Variants in MBOAT7 observed in about 807,000 individuals in gnomAD.
MBOAT7 encodes the protein membrane bound acylglycerophosphatidylinositol O-acyltransferase MBOAT7, also known as membrane-bound acylglycerophosphatidylinositol O-acyltransferase MBOAT7.
In MBOAT7, 40 loss-of-function variants were observed where a neutral mutation model predicts 47.4. The observed-to-expected ratio is 0.84, with a 90% CI of 0.66 to 1.10. MBOAT7 has a LOEUF of 1.10. Ranked by LOEUF, MBOAT7 falls within the 50% of genes least tolerant of loss-of-function variation. The pLI, the probability that MBOAT7 is intolerant of heterozygous loss-of-function variation, is 0.00. For synonymous variants in MBOAT7, 361 were observed against 292.0 expected (o/e 1.24, Z -2.41); for missense variants, 680 against 655.6 (o/e 1.04, Z -0.41).
intron 7 of MBOAT7, among the ~76,000 whole-genome samples, chr19:54,177,290 GTGTT>G (rs1239641523): frequency 6.6e-6 from 1 of 151,476 alleles, no homozygotes; most frequent in African/African-American, 2.4e-5. Context: ...TTTGTTTTTT[GTGTT>G]TTTTTGTTTG....
In MBOAT7 at chr19:54,180,816, G is replaced by C. The variant is rs748620020; in HGVS notation, c.811C>G (p.Arg271Gly). 1 of 1,564,746 alleles carries C rather than the reference G, an allele frequency of 6.4e-7. No individual in the cohort carries two copies. Residue 271 changes from arginine (R) to glycine (G), a missense_variant, in exon 6 of 8, where the codon CGG becomes GGG. By Grantham distance (125) the Arg-to-Gly change is moderately radical. Coordinates refer to ENST00000245615, the MANE Select transcript of MBOAT7 (RefSeq NM_024298.5). The surrounding 1 kb of genome is among the most constrained non-coding windows in gnomAD (Gnocchi z 5.2). Reference sequence around the variant, plus strand: ...TGGAGGGTGGGGCCGCCTCCGGCCCGGGCTTTGGCGGCCACGGGGTAGGCC... The same window carrying C: ...TGGAGGGTGGGGCCGCCTCCGGCCCCGGCTTTGGCGGCCACGGGGTAGGCC... ...FGAYPVAAKARAGGGPTLQCP... is the reference protein window; with the variant it reads ...FGAYPVAAKAGAGGGPTLQCP...
At chr19:54,188,743 G>C (rs531297763) in intron 1 of MBOAT7, among the ~76,000 whole-genome samples, 3 of 152,004 alleles carry the variant, frequency 2.0e-5, no homozygotes, top group African/African-American at 7.2e-5. Context: ...CAGGCCTCCA[G>C]CTCTCCTGTC....
At position 54,181,045 on chromosome 19, in the gene MBOAT7, G is replaced by T. The variant is rs1267494778; in HGVS notation, c.582C>A (p.Arg194=). 6.5e-7 allele frequency: 1 copy of T among 1,547,422 alleles called. No individual in the cohort carries two copies. Among genetic ancestry groups the T allele is most frequent in the Non-Finnish European group, 8.7e-7 (1 of 1,146,180 alleles). ...AVPSLRPLLR[R]AWPAPLFGLL... is the part of the protein sequence containing the mutation. ...GGCCGAAGAGCGGGGCCGGCCAGGC[G>T]CGGCGCAGCAGGGGCCGCAGGCTGG... The change falls in exon 6 of 8, where the codon CGC becomes CGA. Residue 194 remains arginine, a synonymous_variant. Coordinates refer to ENST00000245615, the MANE Select transcript of MBOAT7 (RefSeq NM_024298.5).
At chr19:54,188,019 A>AAGACAGAAAGAC (rs2076485330) in intron 3 of MBOAT7, among the ~76,000 whole-genome samples, 198 bp downstream of exon 3, 20 of 62,414 alleles carry the variant, frequency 3.2e-4, no homozygotes, top group Middle Eastern at 7.8e-3. Context: ...CCATCTCAGA[A>AAGACAGAAAGAC]AGAAAGAAAG....
At chr19:54,176,915 A>G (rs1009960881) in intron 7 of MBOAT7, among the ~76,000 whole-genome samples, 1 of 151,922 alleles carries the variant, frequency 6.6e-6, no homozygotes, top group Admixed American at 6.6e-5. Context: ...TAAAAAAAAA[A>G]TAATAATAAT....
At chr19:54,175,878 C>T (rs1251361808) in intron 7 of MBOAT7, among the ~76,000 whole-genome samples, 5 of 152,210 alleles carry the variant, frequency 3.3e-5, no homozygotes, top group Non-Finnish European at 4.4e-5. Context: ...GTGCCCACCA[C>T]CATGCCAGGC....
At chr19:54,176,230 C>A (rs897386792) in intron 7 of MBOAT7, among the ~76,000 whole-genome samples, 3 of 152,086 alleles carry the variant, frequency 2.0e-5, no homozygotes, top group Non-Finnish European at 4.4e-5. Flanking sequence ...CTTAAGTGAT[C>A]CTCTCACCTT....
Position 54,175,818 on chromosome 19 carries a change from G to A in MBOAT7, c.1032-1387C>T, listed in dbSNP as rs1267554043. 3.9e-5 allele frequency among the ~76,000 whole-genome samples: 6 copies of A among 152,114 alleles called. No individual in the cohort carries two copies. The South Asian group carries it at 6.2e-4, about 16-fold the overall frequency. ...CGGCTCACTGCAACCTCTGCCTCCT[G>A]GGTTCAAGTGATTCTCCTGCCTCAG... On this transcript the variant is annotated intron_variant, in intron 7 of 7. Coordinates refer to ENST00000245615, the MANE Select transcript of MBOAT7 (RefSeq NM_024298.5).
At chr19:54,176,032 T>C (rs1164338722) in intron 7 of MBOAT7, among the ~76,000 whole-genome samples, 1 of 152,130 alleles carries the variant, frequency 6.6e-6, no homozygotes, top group Non-Finnish European at 1.5e-5. Context: ...CATTTTTGTA[T>C]TTTTAGTAGA....
intron 7 of MBOAT7, among the ~76,000 whole-genome samples, chr19:54,177,150 A>C (rs1323694735): frequency 5.5e-5 from 2 of 36,148 alleles, no homozygotes; most frequent in African/African-American, 2.3e-4. Context: ...ACAGAGCATC[A>C]AAATACTAAT....
Position 54,188,419 on chromosome 19 carries a change from G to A in MBOAT7, c.76+14C>T. 6.4e-7 allele frequency: 1 copy of A among 1,570,280 alleles called. No homozygotes were observed. The highest frequency in any genetic ancestry group is 8.6e-7 in the Non-Finnish European group (1 of 1,156,652). ...CCCCCCTTTATTTTCCACTGGGGAG[G>A]GAGCCTGACTCACCGGCTTTCTTAA... On this transcript the variant is annotated intron_variant, in intron 2 of 7. Coordinates refer to ENST00000245615, the MANE Select transcript of MBOAT7 (RefSeq NM_024298.5).
intron 4 of MBOAT7, among the ~76,000 whole-genome samples, chr19:54,184,161 CTTTTTTT>C (rs770373656): frequency 9.6e-6 from 1 of 103,922 alleles, no homozygotes; most frequent in Non-Finnish European, 1.9e-5. Flanking sequence ...ATCTCTCTCT[CTTTTTTT>C]TTTTTTTTTT....
At position 54,173,606 on chromosome 19, in the gene MBOAT7, A is replaced by G; in HGVS notation, c.*438T>C. 5.4e-6 allele frequency: 1 copy of G among 186,830 alleles called. No homozygotes were observed. Among genetic ancestry groups the G allele is most frequent in the Non-Finnish European group, 1.1e-5 (1 of 90,694 alleles). 11.6% of individuals were successfully genotyped at this position (186,830 alleles called of 1,614,324 possible). A position where few individuals can be genotyped will look rare whatever the true frequency, so the allele number is the denominator to read the frequency against. On this transcript the variant is annotated 3_prime_UTR_variant, in exon 8 of 8. Coordinates refer to ENST00000245615, the MANE Select transcript of MBOAT7 (RefSeq NM_024298.5). ...AAATGGGAAGCTTATGCTTCCTTCC[A>G]AGTCTGCAATATTGGTGCGATGAGC...
Position 54,178,948 on chromosome 19 carries a change from G to T in MBOAT7, c.855-7C>A. 1 of 1,612,102 alleles carries T rather than the reference G, an allele frequency of 6.2e-7. No individual in the cohort carries two copies. The highest frequency in any genetic ancestry group is 8.5e-7 in the Non-Finnish European group (1 of 1,179,406). On this transcript the variant is annotated splice_region_variant and splice_polypyrimidine_tract_variant and intron_variant, in intron 6 of 7. Coordinates refer to ENST00000245615, the MANE Select transcript of MBOAT7 (RefSeq NM_024298.5). ...GGAAGCCGCCTTCTCCGGACTGGGG[G>T]GTGGAGGATGAGGGTGGGGGACAGA... is the stretch of plus-strand genomic sequence containing the variant.
rs193069451 is a variant in MBOAT7 at position 54,185,128 on chromosome 19, C to T, written c.334-1448G>A. Among the ~76,000 whole-genome samples, 929 of 151,814 alleles carry T rather than the reference C, an allele frequency of 6.1e-3. 9 individuals carry two copies. Among genetic ancestry groups the T allele is most frequent in the African/African-American group, 0.021 (865 of 41,372 alleles). ...GAGAGGCTGAGGCAGGAGAATCGCT[C>T]GAACCCGAGAGGCAGAGGTTGCAGT... On this transcript the variant is annotated intron_variant, in intron 4 of 7. Coordinates refer to ENST00000245615, the MANE Select transcript of MBOAT7 (RefSeq NM_024298.5).
At chr19:54,187,362 C>G in intron 3 of MBOAT7, 75 bp from the exon 4 acceptor site, 1 of 1,474,074 alleles carries the variant, frequency 6.8e-7, no homozygotes, top group Non-Finnish European at 9.1e-7. Flanking sequence ...CGAGTCCAGC[C>G]ACCAATCCTC....
In MBOAT7 at chr19:54,179,071, A is replaced by AC; in HGVS notation, c.855-131_855-130insG. On this transcript the variant is annotated intron_variant, in intron 6 of 7. Transcript: ENST00000245615. ...GCCAGGCAATGGCCCTCTGGCTGTC[A>AC]GACTTGCTAGGGCAGCAAGGGAGGG... 3 of 1,319,962 alleles carry AC rather than the reference A, an allele frequency of 2.3e-6. No homozygotes were observed. The East Asian group carries it at 7.5e-5, about 33-fold the overall frequency. 81.8% of individuals were successfully genotyped at this position (1,319,962 alleles called of 1,614,324 possible). A position where few individuals can be genotyped will look rare whatever the true frequency, so the allele number is the denominator to read the frequency against.
At chr19:54,185,096 G>C (rs1177754966) in intron 4 of MBOAT7, among the ~76,000 whole-genome samples, 1 of 151,542 alleles carries the variant, frequency 6.6e-6, no homozygotes, top group Non-Finnish European at 1.5e-5. Context: ...TGTAGTCCCA[G>C]CTACTCGAGA....
intron 3 of MBOAT7, 54 bp from the exon 4 acceptor site, chr19:54,187,341 C>T (rs2076457339): frequency 1.3e-6 from 2 of 1,527,162 alleles, no homozygotes; most frequent in South Asian, 1.3e-5. Flanking sequence ...CGGCCTTGGC[C>T]ACTCACTCCA....
Sources: allele counts gnomAD v4.1 joint callset (sites outside exome capture counted in the v4.1 genomes callset), GRCh38; gene constraint gnomAD v4.1.1; non-coding constraint Gnocchi (gnomAD v3.1); transcripts MANE v1.5; gene names NCBI Gene and HGNC (gene_info 2026-07-23, HGNC 2026-07-21).